Variants in GOLGA8B observed in about 807,000 individuals in gnomAD.
GOLGA8B encodes golgin A8 family member B.
Under a neutral mutation model 15.6 loss-of-function variants are expected in GOLGA8B, and 1 was observed. The ratio of observed to expected loss-of-function variants is 0.06; its 90% confidence interval spans 0.02 to 0.30. The LOEUF (loss-of-function observed/expected upper bound fraction) is 0.30, where lower values mean the gene tolerates loss of function less well. GOLGA8B is among the 10% of genes least tolerant of loss of function. The pLI, the probability that GOLGA8B is intolerant of heterozygous loss-of-function variation, is 1.00. For missense variants in GOLGA8B, 17 were observed against 201.3 expected (o/e 0.08, Z 5.54); for synonymous variants, 9 against 80.3 (o/e 0.11, Z 4.75).
At position 34,570,815 on chromosome 15, in the gene GOLGA8B, A is replaced by G. The variant is rs532248316; in HGVS notation, c.-1123+12701T>C. Reference sequence around the variant, plus strand: ...AAGAGGAGGGGATGATCCCAGTGACAACAGCAGCAGAAGTGAGAGACGCAC... The same window carrying G: ...AAGAGGAGGGGATGATCCCAGTGACGACAGCAGCAGAAGTGAGAGACGCAC... On this transcript the variant is annotated intron_variant, in intron 1 of 23. Transcript: ENST00000683415. Among the ~76,000 whole-genome samples, 3 of 102,728 alleles carry G rather than the reference A, an allele frequency of 2.9e-5. No individual in the cohort carries two copies. In the East Asian group the frequency reaches 8.1e-4, roughly 28 times the overall value. The allele number at this position is 102,728 out of a possible 152,430, so 67.4% of individuals were successfully genotyped here. A position where few individuals can be genotyped will look rare whatever the true frequency, so the allele number is the denominator to read the frequency against.
At chr15:34,566,834 G>T (rs1293240699) in intron 1 of GOLGA8B, among the ~76,000 whole-genome samples, 1 of 121,612 alleles carries the variant, frequency 8.2e-6, no homozygotes, top group Non-Finnish European at 1.8e-5. Flanking sequence ...GAAATGAAAG[G>T]GTTCCCCCTG....
chr15:34,578,200 G>A (rs1344837695), intron 1 of GOLGA8B, among the ~76,000 whole-genome samples: 1 of 152,190 alleles, frequency 6.6e-6, no homozygotes, highest in Non-Finnish European at 1.5e-5. Context: ...GACAAGAAGT[G>A]CTAAGAATCC....
chr15:34,531,667 TTC>T lies in GOLGA8B; in HGVS notation c.351_352del (p.Lys118SerfsTer2), dbSNP rs1159155391. On this transcript the variant is annotated frameshift_variant, in exon 13 of 24. Transcript: ENST00000683415. LOFTEE classifies it high-confidence loss of function. ...ACTCACCTCTAGCTCCCTTTCAGCTTTCTGTTTCTCATTGTTTGCTTTCTTTT... is the reference window on the plus strand; with the variant it reads ...ACTCACCTCTAGCTCCCTTTCAGCTTTGTTTCTCATTGTTTGCTTTCTTTT... 1.1e-5 allele frequency: 4 copies of T among 362,856 alleles called. No homozygotes were observed. The highest frequency in any genetic ancestry group is 1.5e-5 in the Non-Finnish European group (3 of 200,306). The allele number at this position is 362,856 out of a possible 1,614,324, so 22.5% of individuals were successfully genotyped here.
chr15:34,582,095 G>T (rs576836348), intron 1 of GOLGA8B, among the ~76,000 whole-genome samples: 4 of 152,302 alleles, frequency 2.6e-5, no homozygotes, highest in African/African-American at 9.6e-5. Context: ...GCTGAAGGGG[G>T]AGGCAGCCCC....
intron 1 of GOLGA8B, among the ~76,000 whole-genome samples, 185 bp downstream of exon 1, chr15:34,583,331 G>C (rs1889300735): frequency 1.3e-5 from 2 of 152,070 alleles, no homozygotes. Context: ...TAGGCCAGCC[G>C]GGCTGCACCC....
At chr15:34,563,055 A>AAAT (rs1888663975) in intron 1 of GOLGA8B, among the ~76,000 whole-genome samples, 2 of 76,118 alleles carry the variant, frequency 2.6e-5, no homozygotes, top group Non-Finnish European at 6.2e-5. Flanking sequence ...AATAAATAAA[A>AAAT]AAGAAGTTTG....
chr15:34,579,813 AAG>A (rs1367382829), intron 1 of GOLGA8B, among the ~76,000 whole-genome samples: 4 of 152,202 alleles, frequency 2.6e-5, no homozygotes, highest in African/African-American at 9.7e-5. Flanking sequence ...CAACAGCACT[AAG>A]GCTCTGCTGT....
chr15:34,577,234 G>A (rs576803071), intron 1 of GOLGA8B, among the ~76,000 whole-genome samples: 1 of 152,142 alleles, frequency 6.6e-6, no homozygotes, highest in African/African-American at 2.4e-5. Context: ...TGTTTTAATT[G>A]CACAATGCAC....
intron 1 of GOLGA8B, among the ~76,000 whole-genome samples, chr15:34,577,891 A>T (rs976665645): frequency 3.9e-5 from 6 of 152,196 alleles, no homozygotes; most frequent in Admixed American, 2.6e-4. Context: ...CTTTATAAAC[A>T]TTGTACAGTT....
chr15:34,569,539 T>A (rs1888849073), intron 1 of GOLGA8B, among the ~76,000 whole-genome samples: 1 of 151,414 alleles, frequency 6.6e-6, no homozygotes. Flanking sequence ...CACCCACCCA[T>A]CAGTCCCAAG....
intron 1 of GOLGA8B, among the ~76,000 whole-genome samples, chr15:34,568,935 G>T (rs1595708692): frequency 6.8e-6 from 1 of 147,454 alleles, no homozygotes; most frequent in South Asian, 2.1e-4. Context: ...TCGCGCTCGT[G>T]CGCTTGTGCG....
At chr15:34,579,151 G>T (rs1157874414) in intron 1 of GOLGA8B, among the ~76,000 whole-genome samples, 1 of 152,066 alleles carries the variant, frequency 6.6e-6, no homozygotes, top group Non-Finnish European at 1.5e-5. Flanking sequence ...GGACCCCAGG[G>T]TTTAGTGGCA....
chr15:34,578,006 G>C (rs1412223277), intron 1 of GOLGA8B, among the ~76,000 whole-genome samples: 1 of 152,164 alleles, frequency 6.6e-6, no homozygotes. Flanking sequence ...TGGGACCTCT[G>C]TCATATACGC....
At chr15:34,580,069 C>T (rs4633683) in intron 1 of GOLGA8B, among the ~76,000 whole-genome samples, 54,833 of 151,054 alleles carry the variant, frequency 0.36, 10,261 homozygotes, top group Admixed American at 0.45. Context: ...TGGCTGATGC[C>T]AAGGGGGTGG....
At position 34,576,018 on chromosome 15, in the gene GOLGA8B, C is replaced by T. The variant is rs139096135; in HGVS notation, c.-1123+7498G>A. Among the ~76,000 whole-genome samples the T allele has an allele frequency of 1.6e-3, 246 of 152,242 alleles. 2 individuals are homozygous for T. The highest frequency in any genetic ancestry group is 2.2e-3 in the Non-Finnish European group (147 of 67,996). On this transcript the variant is annotated intron_variant, in intron 1 of 23. Transcript: ENST00000683415. Reference sequence around the variant, plus strand: ...TCCCGGTTGTACCACTGCAGAGTCCCTGAGTGTCAAAGGACTGAGAGGTGA... The same window carrying T: ...TCCCGGTTGTACCACTGCAGAGTCCTTGAGTGTCAAAGGACTGAGAGGTGA...
At chr15:34,577,134 G>A (rs1026527228) in intron 1 of GOLGA8B, among the ~76,000 whole-genome samples, 16 of 152,088 alleles carry the variant, frequency 1.1e-4, no homozygotes, top group African/African-American at 3.4e-4. Context: ...CACCACACCC[G>A]TGACAGCTGC....
intron 1 of GOLGA8B, among the ~76,000 whole-genome samples, chr15:34,570,590 G>A (rs1466376493): frequency 2.5e-5 from 3 of 122,054 alleles, no homozygotes; most frequent in East Asian, 4.3e-4. Flanking sequence ...CCTCCACGAT[G>A]GACCCCATAA....
chr15:34,580,387 A>G (rs1156820981), intron 1 of GOLGA8B, among the ~76,000 whole-genome samples: 1 of 152,208 alleles, frequency 6.6e-6, no homozygotes, highest in Non-Finnish European at 1.5e-5. Context: ...GTGTGTCACC[A>G]TTGGGCCTGG....
rs544860558 is a variant in GOLGA8B at position 34,527,304 on chromosome 15, C to T, written c.*328G>A. ...AGCACGGGAGCCTATTCCAAACCAGCGAGAACAGTTTTGTGCAAAGAGTGG... is the reference window on the plus strand; with the variant it reads ...AGCACGGGAGCCTATTCCAAACCAGTGAGAACAGTTTTGTGCAAAGAGTGG... On this transcript the variant is annotated 3_prime_UTR_variant, in exon 24 of 24. Transcript: ENST00000683415. 5 of 374,510 alleles carry T rather than the reference C, an allele frequency of 1.3e-5. No individual in the cohort carries two copies. Among genetic ancestry groups the T allele is most frequent in the East Asian group, 6.0e-5 (1 of 16,606 alleles). The allele number at this position is 374,510 out of a possible 1,614,324, so 23.2% of individuals were successfully genotyped here. A position where few individuals can be genotyped will look rare whatever the true frequency, so the allele number is the denominator to read the frequency against.
Sources: gnomAD v4.1 joint callset for allele counts (sites outside exome capture counted in the v4.1 genomes callset) on GRCh38, gnomAD v4.1.1 for gene constraint, MANE v1.5 for transcripts, NCBI Gene and HGNC (gene_info 2026-07-23, HGNC 2026-07-21) for gene names.